Variants in KCNIP4 observed in about 807,000 individuals in gnomAD.
The protein encoded by KCNIP4 is Kv channel-interacting protein 4.
In KCNIP4, 12 loss-of-function variants were observed where a neutral mutation model predicts 34.0. The ratio of observed to expected loss-of-function variants is 0.35; its 90% CI spans 0.23 to 0.57. The LOEUF (loss-of-function observed/expected upper bound fraction) is 0.57, where lower values mean the gene tolerates loss of function less well. Ranked by LOEUF, KCNIP4 falls within the 20% of genes least tolerant of loss-of-function variation. The probability of loss-of-function intolerance (pLI) is 0.83; values close to 1 mark genes in which losing one functional copy is unlikely to be tolerated. For synonymous variants in KCNIP4, 124 were observed against 102.2 expected, an observed-to-expected ratio of 1.21 and a Z score of -1.29; for missense variants, 238 against 311.7, an observed-to-expected ratio of 0.76 and a Z score of 1.78.
intron 5 of KCNIP4, among the ~76,000 whole-genome samples, chr4:20,740,132 G>A (rs909126055): frequency 3.3e-5 from 5 of 152,128 alleles, no homozygotes; most frequent in Non-Finnish European, 5.9e-5. Context: ...AAGTGACGGG[G>A]AGAATTGAAC....
chr4:21,175,644 G>A (rs28691096), intron 1 of KCNIP4, among the ~76,000 whole-genome samples: 3,553 of 152,202 alleles, frequency 0.023, 140 homozygotes, highest in African/African-American at 0.081. Flanking sequence ...TTACTTGAAC[G>A]CAAGCACTGC....
Position 21,143,762 on chromosome 4 carries a change from G to T in KCNIP4, c.62-261053C>A, listed in dbSNP as rs148018822. On this transcript the variant is annotated intron_variant, in intron 1 of 8. Transcript: ENST00000382152. ...TCTGTCACCCAGGCTGGAGTACAGTGGCATGATCTTGGCTCACTGCAACCT... is the reference window on the plus strand; with the variant it reads ...TCTGTCACCCAGGCTGGAGTACAGTTGCATGATCTTGGCTCACTGCAACCT... 2.3e-3 allele frequency among the ~76,000 whole-genome samples: 350 copies of T among 151,382 alleles called. 3 individuals carry two copies. Among genetic ancestry groups the T allele is most frequent in the African/African-American group, 7.8e-3 (320 of 41,222 alleles).
chr4:20,979,067 G>A (rs1735769798), intron 1 of KCNIP4, among the ~76,000 whole-genome samples: 1 of 152,130 alleles, frequency 6.6e-6, no homozygotes, highest in Non-Finnish European at 1.5e-5. Flanking sequence ...CGAGGACCTT[G>A]TAAGATAGCG....
At chr4:21,947,622 C>T (rs907247333) in intron 1 of KCNIP4, among the ~76,000 whole-genome samples, 1 of 152,168 alleles carries the variant, frequency 6.6e-6, no homozygotes, top group Non-Finnish European at 1.5e-5. Flanking sequence ...GGAAACACCT[C>T]TTTGCTTGCA....
chr4:20,741,083 G>C (rs1279833619), intron 5 of KCNIP4, among the ~76,000 whole-genome samples: 1 of 152,148 alleles, frequency 6.6e-6, no homozygotes, highest in African/African-American at 2.4e-5. Flanking sequence ...AGTCCTTAGA[G>C]ATCTACAAAG....
chr4:21,060,820 C>G (rs1227308355), intron 1 of KCNIP4, among the ~76,000 whole-genome samples: 1 of 152,152 alleles, frequency 6.6e-6, no homozygotes, highest in South Asian at 2.1e-4. Flanking sequence ...TCAGAAACAC[C>G]TGTTTAGACT....
At chr4:21,608,045 G>A (rs10021380) in intron 1 of KCNIP4, among the ~76,000 whole-genome samples, 104,308 of 151,940 alleles carry the variant, frequency 0.69, 36,256 homozygotes, top group East Asian at 0.89. Context: ...GCTCTGCAAG[G>A]CTTTTACTCA....
chr4:21,114,004 C>T (rs1577717151), intron 1 of KCNIP4, among the ~76,000 whole-genome samples: 1 of 152,140 alleles, frequency 6.6e-6, no homozygotes, highest in Non-Finnish European at 1.5e-5. Context: ...ATGAATCATG[C>T]TTAAAATGGG....
chr4:21,525,085 G>A (rs995257868), intron 1 of KCNIP4, among the ~76,000 whole-genome samples: 2 of 151,876 alleles, frequency 1.3e-5, no homozygotes, highest in Admixed American at 6.6e-5. Flanking sequence ...ATAATAACCA[G>A]CAAAGTGCAC....
chr4:21,749,071 G>C (rs972772483), intron 1 of KCNIP4, among the ~76,000 whole-genome samples: 4 of 152,132 alleles, frequency 2.6e-5, no homozygotes, highest in Non-Finnish European at 5.9e-5. Flanking sequence ...TATAACTCTT[G>C]ATTGTGAATC....
intron 1 of KCNIP4, among the ~76,000 whole-genome samples, chr4:21,157,364 C>A (rs924315327): frequency 5.3e-5 from 8 of 150,848 alleles, no homozygotes; most frequent in East Asian, 1.9e-4. Context: ...TTCTTTCTAA[C>A]AGTTCATAAT....
At chr4:21,645,282 T>C (rs1746930064) in intron 1 of KCNIP4, among the ~76,000 whole-genome samples, 2 of 152,122 alleles carry the variant, frequency 1.3e-5, no homozygotes, top group African/African-American at 4.8e-5. Context: ...AAATTGCCCA[T>C]ATCATACATT....
rs60570638 is a variant in KCNIP4, at chr4:21,483,789, CAAAAAT to C, written c.61+464776_61+464781del. Among the ~76,000 whole-genome samples, 637 of 145,838 alleles carry C rather than the reference CAAAAAT, an allele frequency of 4.4e-3. 3 individuals are homozygous for C. The highest frequency in any genetic ancestry group is 0.013 in the African/African-American group (489 of 38,858). On this transcript the variant is annotated intron_variant, in intron 1 of 8. Coordinates refer to ENST00000382152, the MANE Select transcript of KCNIP4 (RefSeq NM_025221.6). The stretch of plus-strand genomic sequence containing the variant: ...TGGGCGAAAGAGACAGACTCCATCT[CAAAAAT>C]AAAAATAAAAATAAAAATAAAAATA...
intron 1 of KCNIP4, among the ~76,000 whole-genome samples, chr4:21,791,054 T>C (rs1482374538): frequency 6.6e-6 from 1 of 151,444 alleles, no homozygotes; most frequent in Non-Finnish European, 1.5e-5. Flanking sequence ...TATCTTAGTT[T>C]AAGGGGCAAT....
intron 1 of KCNIP4, among the ~76,000 whole-genome samples, chr4:21,947,354 C>G (rs1730563457): frequency 6.6e-6 from 1 of 152,192 alleles, no homozygotes; most frequent in Admixed American, 6.5e-5. Flanking sequence ...GAACTAAACA[C>G]AGTTACAAGT....
intron 1 of KCNIP4, among the ~76,000 whole-genome samples, chr4:21,226,253 G>T (rs1758379355): frequency 9.1e-6 from 1 of 109,752 alleles, no homozygotes; most frequent in South Asian, 3.8e-4. Context: ...GGGGGAGGGA[G>T]GGAGGGAGGG....
chr4:21,474,557 T>G (rs2109814441), intron 1 of KCNIP4, among the ~76,000 whole-genome samples: 1 of 152,252 alleles, frequency 6.6e-6, no homozygotes, highest in South Asian at 2.1e-4. Context: ...CTAAGACATC[T>G]TAAAAAGAAA....
Position 21,234,415 on chromosome 4 carries a change from T to C in KCNIP4, c.62-351706A>G, listed in dbSNP as rs1282119676. Reference sequence around the variant, plus strand: ...CATATATAATATATTATATAACATATACTATATATATTACATATAACGTAT... The same window carrying C: ...CATATATAATATATTATATAACATACACTATATATATTACATATAACGTAT... On this transcript the variant is annotated intron_variant, in intron 1 of 8. Transcript: ENST00000382152. 2.1e-4 allele frequency among the ~76,000 whole-genome samples: 28 copies of C among 131,594 alleles called. 4 individuals are homozygous for C. The highest frequency in any genetic ancestry group is 2.6e-4 in the African/African-American group (9 of 34,090). The allele number at this position is 131,594 out of a possible 152,430, so 86.3% of individuals were successfully genotyped here.
At position 21,483,395 on chromosome 4, in the gene KCNIP4, C is replaced by A. The variant is rs1482590417; in HGVS notation, c.61+465176G>T. 2.6e-5 allele frequency among the ~76,000 whole-genome samples: 4 copies of A among 152,136 alleles called. No individual in the cohort carries two copies. The East Asian group carries it at 7.7e-4, about 29-fold the overall frequency. ...GTAGTCCCTGATGCTACAGGTGGGG[C>A]CTGGTGGGAGGTGATTGAATCATGG... On this transcript the variant is annotated intron_variant, in intron 1 of 8. Coordinates refer to ENST00000382152, the MANE Select transcript of KCNIP4 (RefSeq NM_025221.6).
Sources: allele counts gnomAD v4.1 joint callset (sites outside exome capture counted in the v4.1 genomes callset), GRCh38; gene constraint gnomAD v4.1.1; transcripts MANE v1.5; gene names NCBI Gene and HGNC (gene_info 2026-07-23, HGNC 2026-07-21).